The following ABCC9 variants were observed in gnomAD, a reference collection of about 807,000 sequenced individuals.
ABCC9 encodes ATP-binding cassette sub-family C member 9.
A neutral mutation model predicts 188.3 loss-of-function variants in ABCC9; 95 were observed. That is an observed-to-expected ratio of 0.50 (90% confidence interval 0.43 to 0.60). The LOEUF (loss-of-function observed/expected upper bound fraction) is 0.60, where lower values mean the gene tolerates loss of function less well. Ranked by LOEUF, ABCC9 falls within the 20% of genes least tolerant of loss-of-function variation. ABCC9 has a pLI of 0.00. For missense variants in ABCC9, 1,102 were observed against 1,876.3 expected, an observed-to-expected ratio of 0.59 and a Z score of 7.62; for synonymous variants, 659 against 652.7, an observed-to-expected ratio of 1.01 and a Z score of -0.15.
chr12:21,885,343 C>A (rs865910856), intron 15 of ABCC9, among the ~76,000 whole-genome samples: 2 of 152,308 alleles, frequency 1.3e-5, no homozygotes, highest in Middle Eastern at 3.4e-3. Flanking sequence ...AGTCTGGTTT[C>A]AATAACCCTG....
intron 16 of ABCC9, among the ~76,000 whole-genome samples, chr12:21,881,321 A>G (rs1454726522): frequency 6.6e-6 from 1 of 152,186 alleles, no homozygotes; most frequent in Non-Finnish European, 1.5e-5. Context: ...TTCACCGTAA[A>G]TAAAAAATTA....
intron 30 of ABCC9, 66 bp from the exon 31 acceptor site, chr12:21,829,126 A>T: frequency 1.0e-6 from 1 of 961,734 alleles, no homozygotes; most frequent in South Asian, 1.3e-5. Context: ...AGTCACACTT[A>T]TTACTACACT....
chr12:21,913,899 A>G (rs1018646926), intron 7 of ABCC9, among the ~76,000 whole-genome samples: 1 of 152,160 alleles, frequency 6.6e-6, no homozygotes, highest in African/African-American at 2.4e-5. Context: ...TTTGTTTTCC[A>G]AAGTTTATGT....
chr12:21,905,295 A>T (rs1947985654), intron 12 of ABCC9, among the ~76,000 whole-genome samples: 1 of 152,072 alleles, frequency 6.6e-6, no homozygotes, highest in African/African-American at 2.4e-5. Context: ...GGATAGCATT[A>T]GGAGATATAC....
intron 22 of ABCC9, among the ~76,000 whole-genome samples, chr12:21,857,610 A>G (rs531359002): frequency 6.6e-6 from 1 of 152,276 alleles, no homozygotes; most frequent in Admixed American, 6.5e-5. Context: ...TTATCCAGAC[A>G]GGCTTAAACT....
chr12:21,925,437 C>T (rs1949006908), intron 5 of ABCC9: 1 of 695,814 alleles, frequency 1.4e-6, no homozygotes, highest in East Asian at 2.7e-5. Context: ...TTTCATTATG[C>T]TAGAAACATA....
chr12:21,921,715 T>G (rs1948826568), intron 5 of ABCC9, among the ~76,000 whole-genome samples: 1 of 152,112 alleles, frequency 6.6e-6, no homozygotes, highest in South Asian at 2.1e-4. Flanking sequence ...ATTTTAGATT[T>G]AAGTCTTTAA....
At chr12:21,869,174 G>A (rs751842007) in intron 18 of ABCC9, among the ~76,000 whole-genome samples, 26 of 152,148 alleles carry the variant, frequency 1.7e-4, no homozygotes, top group Admixed American at 5.2e-4. Context: ...TTGTTGTCTA[G>A]TAAGGCAAAT....
intron 4 of ABCC9, among the ~76,000 whole-genome samples, chr12:21,926,755 G>A (rs996336920): frequency 6.6e-6 from 1 of 152,166 alleles, no homozygotes; most frequent in African/African-American, 2.4e-5. Flanking sequence ...TCCAGGCAGA[G>A]GGGCCAATGT....
At chr12:21,840,841 T>C (rs1374534845) in intron 29 of ABCC9, among the ~76,000 whole-genome samples, 1 of 152,246 alleles carries the variant, frequency 6.6e-6, no homozygotes, top group African/African-American at 2.4e-5. Flanking sequence ...GAAACAACTA[T>C]TTCTTCAAAT....
chr12:21,846,350 TAAACCATCTAG>T (rs1324447075), intron 25 of ABCC9, among the ~76,000 whole-genome samples: 1 of 152,202 alleles, frequency 6.6e-6, no homozygotes, highest in South Asian at 2.1e-4. Flanking sequence ...CTCAGATGTT[TAAACCATCTAG>T]AAACTCCAAG....
rs1475819822 is a variant in ABCC9, at chr12:21,844,776, C to T, written c.3236G>A (p.Gly1079Glu). 6.2e-7 allele frequency: 1 copy of T among 1,613,794 alleles called. No homozygotes were observed. The change falls in exon 27 of 40, where the codon GGA becomes GAA. Residue 1079 changes from glycine (G) to glutamate (E), a missense_variant. Gly to Glu is a moderately conservative substitution (Grantham distance 98). Coordinates refer to ENST00000261200, the MANE Select transcript of ABCC9 (RefSeq NM_020297.4). ...HHNLLNKIIL[G>E]PIRFFDTTPL... ...ATAACCACTGTTTTACCTTATTGGT[C>T]CAAGGATTATCTTATTGAGAAGGTT...
intron 31 of ABCC9, among the ~76,000 whole-genome samples, chr12:21,821,178 A>G (rs889201110): frequency 6.6e-6 from 1 of 152,112 alleles, no homozygotes; most frequent in African/African-American, 2.4e-5. Flanking sequence ...TACCAATCTC[A>G]TTTCCAGATT....
At chr12:21,820,087 T>C (rs967426744) in intron 31 of ABCC9, among the ~76,000 whole-genome samples, 4 of 152,200 alleles carry the variant, frequency 2.6e-5, no homozygotes, top group African/African-American at 9.7e-5. Context: ...ATGAATTTTT[T>C]CCTTTCAGCC....
chr12:21,925,825 A>AT (rs1949022506), intron 5 of ABCC9, 117 bp downstream of exon 5: 2 of 1,143,356 alleles, frequency 1.7e-6, no homozygotes, highest in Non-Finnish European at 2.5e-6. Context: ...GTTTTCCCAT[A>AT]CTTTCTACTC....
intron 39 of ABCC9, chr12:21,805,071 C>G: frequency 6.4e-7 from 1 of 1,552,024 alleles, no homozygotes; most frequent in Non-Finnish European, 8.9e-7. Flanking sequence ...TCCCTCATCT[C>G]AGCCCTTCCC....
chr12:21,906,352 T>A, intron 11 of ABCC9, 64 bp from the exon 12 acceptor site: 1 of 1,513,640 alleles, frequency 6.6e-7, no homozygotes, highest in Non-Finnish European at 9.0e-7. Flanking sequence ...GGCAGAACCA[T>A]GTAATGGACA....
intron 28 of ABCC9, 33 bp downstream of exon 28, chr12:21,844,450 A>C (rs1006215202): frequency 6.4e-7 from 1 of 1,562,346 alleles, no homozygotes; most frequent in Non-Finnish European, 8.8e-7. Flanking sequence ...TGTGAAACTA[A>C]TTTTTGAACT....
chr12:21,844,602 C>T, intron 27 of ABCC9, 50 bp from the exon 28 acceptor site: 1 of 1,584,702 alleles, frequency 6.3e-7, no homozygotes, highest in Non-Finnish European at 8.7e-7. Flanking sequence ...CTATTTGGAA[C>T]CTGGGCATTG....
Sources: gnomAD v4.1 joint callset for allele counts (sites outside exome capture counted in the v4.1 genomes callset) on GRCh38, gnomAD v4.1.1 for gene constraint, MANE v1.5 for transcripts, NCBI Gene and HGNC (gene_info 2026-07-23, HGNC 2026-07-21) for gene names.